Variants in GRIA3 observed in about 807,000 individuals in gnomAD.
GRIA3 encodes the protein glutamate ionotropic receptor AMPA type subunit 3, also known as glutamate receptor 3.
In GRIA3, 3 loss-of-function variants were observed where a neutral mutation model predicts 63.0. The ratio of observed to expected loss-of-function variants is 0.05; its 90% CI spans 0.02 to 0.12. GRIA3 has a LOEUF of 0.12. Among genes scored for constraint, GRIA3 ranks in the 10% least tolerant of loss-of-function variants. The pLI, the probability that GRIA3 is intolerant of heterozygous loss-of-function variation, is 1.00. For missense variants in GRIA3, 347 were observed against 700.9 expected, an observed-to-expected ratio of 0.50 and a Z score of 5.70; for synonymous variants, 274 against 257.9, an observed-to-expected ratio of 1.06 and a Z score of -0.60.
intron 5 of GRIA3, among the ~76,000 whole-genome samples, chrX:123,372,153 T>G (rs746649141): frequency 8.9e-6 from 1 of 112,310 alleles, no homozygotes; most frequent in South Asian, 3.7e-4. Flanking sequence ...CCAATATATG[T>G]TCTTGGCATC....
chrX:123,287,948 A>C (rs1384934167), intron 3 of GRIA3, among the ~76,000 whole-genome samples: 1 of 112,100 alleles, frequency 8.9e-6, no homozygotes, highest in Non-Finnish European at 1.9e-5. Context: ...AAAAGAGCCC[A>C]TATAGCCAAG....
rs2044810354 is a variant in GRIA3, at chrX:123,313,357, G to T, written c.509-12669G>T. 5.4e-5 allele frequency among the ~76,000 whole-genome samples: 6 copies of T among 111,138 alleles called. No homozygotes were observed. In the Admixed American group the frequency reaches 5.7e-4, roughly 11 times the overall value. ...ACAGCATGTTCTCTGTTGTCCTCAG[G>T]ACTGTATCTTTGGCTCCTCTGTACC... On this transcript the variant is annotated intron_variant, in intron 3 of 15. Transcript: ENST00000620443.
Position 123,353,644 on chromosome X carries a change from A to G in GRIA3, c.697-1266A>G, listed in dbSNP as rs774460746. 5.4e-5 allele frequency among the ~76,000 whole-genome samples: 6 copies of G among 111,907 alleles called. No homozygotes were observed. In the South Asian group the frequency reaches 1.5e-3, roughly 28 times the overall value. On this transcript the variant is annotated intron_variant, in intron 4 of 15. Coordinates refer to ENST00000620443, the MANE Select transcript of GRIA3 (RefSeq NM_007325.5). ...CTGCATCCAGAGAGAAATTTATCAT[A>G]AAGCTTAAGCTTAATGGCCCCTCAC...
chrX:123,378,182 A>G (rs1177905006), intron 5 of GRIA3, among the ~76,000 whole-genome samples: 1 of 111,682 alleles, frequency 9.0e-6, no homozygotes, highest in Admixed American at 9.6e-5. Flanking sequence ...GTAGCAGTTT[A>G]TGAAGAAAAA....
intron 12 of GRIA3, among the ~76,000 whole-genome samples, chrX:123,464,437 C>T (rs749327573): frequency 8.9e-6 from 1 of 111,928 alleles, no homozygotes; most frequent in African/African-American, 3.2e-5. Context: ...ACTAAAATAG[C>T]TGTACACTAC....
chrX:123,389,826 C>T (rs2045375193), intron 5 of GRIA3, among the ~76,000 whole-genome samples: 1 of 110,721 alleles, frequency 9.0e-6, no homozygotes, highest in Non-Finnish European at 1.9e-5. Context: ...CTGGCTCAGC[C>T]TCCCAAGTAG....
chrX:123,262,436 C>T (rs749058315), intron 3 of GRIA3, among the ~76,000 whole-genome samples: 24 of 111,355 alleles, frequency 2.2e-4, no homozygotes, highest in African/African-American at 7.5e-4. Flanking sequence ...TCCTTCTCCA[C>T]GCTCTCAACA....
intron 13 of GRIA3, among the ~76,000 whole-genome samples, chrX:123,478,525 T>A (rs1363822635): frequency 8.9e-6 from 1 of 112,205 alleles, no homozygotes; most frequent in Non-Finnish European, 1.9e-5. Flanking sequence ...CCGCAAGTAC[T>A]CTGAAATTGC....
chrX:123,193,450 C>T (rs922294848), intron 2 of GRIA3, among the ~76,000 whole-genome samples: 2 of 111,847 alleles, frequency 1.8e-5, no homozygotes, highest in East Asian at 5.6e-4. Flanking sequence ...ACAAGAAGTA[C>T]AACACAACCT....
intron 2 of GRIA3, among the ~76,000 whole-genome samples, chrX:123,200,399 A>G (rs1346452710): frequency 9.1e-6 from 1 of 110,263 alleles, no homozygotes; most frequent in Non-Finnish European, 1.9e-5. Context: ...TTTACTTTAT[A>G]TTATATTGGA....
rs750650625 is a variant in GRIA3, at chrX:123,376,995, C to T, written c.751-17973C>T. 5.2e-3 allele frequency among the ~76,000 whole-genome samples: 501 copies of T among 96,017 alleles called. 10 individuals are homozygous for T. Among genetic ancestry groups the T allele is most frequent in the African/African-American group, 0.019 (478 of 25,764 alleles). The allele number at this position is 96,017 out of a possible 115,157, so 83.4% of individuals were successfully genotyped here. ...TGTCGCCCAGGCTGGAGTGCAATGG[C>T]GCTATCTCGGCTCACTGGAAGCTCC... On this transcript the variant is annotated intron_variant, in intron 5 of 15. Transcript: ENST00000620443.
intron 3 of GRIA3, among the ~76,000 whole-genome samples, chrX:123,296,541 C>T (rs2044687321): frequency 1.8e-5 from 2 of 111,065 alleles, no homozygotes; most frequent in South Asian, 3.8e-4. Context: ...ATAAATCACG[C>T]TATGTTCCCT....
intron 4 of GRIA3, among the ~76,000 whole-genome samples, chrX:123,347,328 T>C (rs2045057884): frequency 8.9e-6 from 1 of 112,051 alleles, no homozygotes; most frequent in Non-Finnish European, 1.9e-5. Context: ...CAAATTGAGA[T>C]CCACTTAAAT....
chrX:123,469,835 T>C (rs1263023260), intron 13 of GRIA3, among the ~76,000 whole-genome samples: 4 of 112,012 alleles, frequency 3.6e-5, no homozygotes, highest in African/African-American at 1.3e-4. Flanking sequence ...CTTCTGCAGC[T>C]GCCTGTCCCC....
intron 5 of GRIA3, among the ~76,000 whole-genome samples, chrX:123,369,289 G>A (rs1290556570): frequency 8.9e-6 from 1 of 112,414 alleles, no homozygotes; most frequent in African/African-American, 3.2e-5. Context: ...AGGATAGGCA[G>A]AAGAGAGCCA....
chrX:123,426,349 G>A (rs754951420), intron 11 of GRIA3, among the ~76,000 whole-genome samples: 20 of 111,872 alleles, frequency 1.8e-4, no homozygotes, highest in African/African-American at 5.2e-4. Context: ...CCCTCACACT[G>A]TCCAATAACT....
intron 5 of GRIA3, among the ~76,000 whole-genome samples, chrX:123,359,029 C>T (rs891540427): frequency 9.0e-6 from 1 of 111,405 alleles, no homozygotes; most frequent in East Asian, 2.8e-4. Context: ...CCCAAGAATT[C>T]ATCTAACTAG....
intron 14 of GRIA3, 173 bp from the exon 15 acceptor site, chrX:123,482,626 C>T: frequency 9.5e-6 from 5 of 525,343 alleles, no homozygotes; most frequent in Non-Finnish European, 1.6e-5. Context: ...CACAATCTAC[C>T]GTCTTGCTGG....
intron 2 of GRIA3, among the ~76,000 whole-genome samples, chrX:123,235,964 G>A (rs1054017662): frequency 9.0e-6 from 1 of 111,635 alleles, no homozygotes; most frequent in Non-Finnish European, 1.9e-5. Flanking sequence ...AGTACATTAA[G>A]TCATCCTGAA....
Sources: gnomAD v4.1 joint callset for allele counts (sites outside exome capture counted in the v4.1 genomes callset) on GRCh38, gnomAD v4.1.1 for gene constraint, MANE v1.5 for transcripts, NCBI Gene and HGNC (gene_info 2026-07-23, HGNC 2026-07-21) for gene names.